The following OR9Q1 variants were observed in gnomAD, a reference collection of about 807,000 sequenced individuals.
OR9Q1 encodes the protein olfactory receptor family 9 subfamily Q member 1.
For missense variants in OR9Q1, 374 were observed against 378.8 expected, an observed-to-expected ratio of 0.99 and a Z score of 0.11; for synonymous variants, 153 against 148.6, an observed-to-expected ratio of 1.03 and a Z score of -0.22.
intron 2 of OR9Q1, among the ~76,000 whole-genome samples, chr11:58,057,216 C>T (rs769871571): frequency 6.6e-6 from 1 of 152,080 alleles, no homozygotes; most frequent in Non-Finnish European, 1.5e-5. Context: ...TGGTCTTGAA[C>T]TCCTGACGCT....
intron 1 of OR9Q1, among the ~76,000 whole-genome samples, chr11:58,048,446 T>C: frequency 6.7e-6 from 1 of 149,252 alleles, no homozygotes; most frequent in Non-Finnish European, 1.5e-5. Flanking sequence ...AGATCAGGAG[T>C]TTGAGACCAG....
At chr11:58,030,228 G>A (rs973158078) in intron 1 of OR9Q1, among the ~76,000 whole-genome samples, 1 of 152,132 alleles carries the variant, frequency 6.6e-6, no homozygotes, top group Non-Finnish European at 1.5e-5. Context: ...AATTCTTAAA[G>A]TCTCCCTGTG....
At position 58,143,544 on chromosome 11, in the gene OR9Q1, T is replaced by G. The variant is rs532275943; in HGVS notation, c.-14-35887T>G. On this transcript the variant is annotated intron_variant, in intron 2 of 2. Transcript: ENST00000335397. ...TGAAATCTGGGTCACTTTACTTCTT[T>G]TGCCCTCATATTCTTCTGTCAAAAA... Among the ~76,000 whole-genome samples the G allele has an allele frequency of 2.0e-5, 3 of 152,348 alleles. No homozygotes were observed. The East Asian group carries it at 5.8e-4, about 29-fold the overall frequency.
intron 2 of OR9Q1, among the ~76,000 whole-genome samples, chr11:58,152,446 G>C (rs892026847): frequency 3.3e-5 from 5 of 152,052 alleles, no homozygotes; most frequent in African/African-American, 1.2e-4. Context: ...AAATTTCATG[G>C]CCAATATTTA....
chr11:58,071,487 A>T (rs1221130846), intron 2 of OR9Q1, among the ~76,000 whole-genome samples: 1 of 152,136 alleles, frequency 6.6e-6, no homozygotes, highest in East Asian at 1.9e-4. Context: ...CATTAAAAAA[A>T]AAATAAAATA....
At chr11:58,123,088 A>T (rs902795882) in intron 2 of OR9Q1, among the ~76,000 whole-genome samples, 2 of 152,114 alleles carry the variant, frequency 1.3e-5, no homozygotes, top group Non-Finnish European at 2.9e-5. Context: ...CCCTTTAAGC[A>T]GATATTATGA....
At chr11:58,026,419 T>G (rs1330036425) in intron 1 of OR9Q1, among the ~76,000 whole-genome samples, 2 of 152,270 alleles carry the variant, frequency 1.3e-5, no homozygotes, top group East Asian at 3.9e-4. Context: ...TGGTGGCTCA[T>G]GCCTGTAATC....
intron 1 of OR9Q1, among the ~76,000 whole-genome samples, chr11:58,054,554 T>G (rs1853308717): frequency 6.6e-6 from 1 of 152,210 alleles, no homozygotes; most frequent in Non-Finnish European, 1.5e-5. Context: ...GTATCCCTCA[T>G]TACTCCAAGT....
At chr11:58,027,343 G>A (rs78043749) in intron 1 of OR9Q1, among the ~76,000 whole-genome samples, 1,619 of 152,226 alleles carry the variant, frequency 0.011, 31 homozygotes, top group African/African-American at 0.037. Context: ...GTTCTTTTTC[G>A]CTCATGTAAC....
chr11:58,174,352 C>T (rs1377695642), intron 2 of OR9Q1, among the ~76,000 whole-genome samples: 1 of 152,004 alleles, frequency 6.6e-6, no homozygotes, highest in Admixed American at 6.6e-5. Flanking sequence ...TCAAGTTAGC[C>T]GAGCCCAAGC....
At chr11:58,172,221 C>T (rs988910497) in intron 2 of OR9Q1, among the ~76,000 whole-genome samples, 5 of 152,178 alleles carry the variant, frequency 3.3e-5, no homozygotes, top group Non-Finnish European at 7.3e-5. Context: ...AAATGCATGG[C>T]ATATTCCCTG....
intron 2 of OR9Q1, among the ~76,000 whole-genome samples, chr11:58,151,259 A>C (rs1176177010): frequency 6.6e-6 from 1 of 152,094 alleles, no homozygotes; most frequent in Non-Finnish European, 1.5e-5. Flanking sequence ...GAGCTCTCAT[A>C]CTCATTTTCA....
At chr11:58,089,949 T>C (rs967969083) in intron 2 of OR9Q1, among the ~76,000 whole-genome samples, 1 of 152,032 alleles carries the variant, frequency 6.6e-6, no homozygotes, top group African/African-American at 2.4e-5. Context: ...TGGCTGTTTG[T>C]CTATTATTTG....
chr11:58,070,525 C>G (rs1468566512), intron 2 of OR9Q1, among the ~76,000 whole-genome samples: 1 of 152,196 alleles, frequency 6.6e-6, no homozygotes. Flanking sequence ...TTGGAACTCA[C>G]TGGTCTCATG....
At chr11:58,175,378 A>T (rs1276605844) in intron 2 of OR9Q1, among the ~76,000 whole-genome samples, 1 of 151,876 alleles carries the variant, frequency 6.6e-6, no homozygotes, top group Non-Finnish European at 1.5e-5. Flanking sequence ...TTTCCTAAAG[A>T]GTTTTGCCCA....
At chr11:58,176,479 A>G (rs562153427) in intron 2 of OR9Q1, among the ~76,000 whole-genome samples, 11 of 152,318 alleles carry the variant, frequency 7.2e-5, no homozygotes, top group African/African-American at 2.6e-4. Context: ...TTCTCCAAAG[A>G]GATTTGTGTT....
At chr11:58,125,991 A>G (rs1854086961) in intron 2 of OR9Q1, among the ~76,000 whole-genome samples, 1 of 152,188 alleles carries the variant, frequency 6.6e-6, no homozygotes, top group African/African-American at 2.4e-5. Flanking sequence ...GTCCCATATC[A>G]GGGGCTGAAA....
intron 2 of OR9Q1, among the ~76,000 whole-genome samples, chr11:58,078,771 C>T (rs1016110926): frequency 2.0e-5 from 3 of 152,194 alleles, no homozygotes; most frequent in Admixed American, 6.6e-5. Context: ...GGTATTTTCT[C>T]TTGAGCATCT....
intron 2 of OR9Q1, among the ~76,000 whole-genome samples, chr11:58,067,832 T>C (rs964734123): frequency 3.3e-5 from 5 of 152,206 alleles, no homozygotes; most frequent in African/African-American, 1.2e-4. Flanking sequence ...AGACCTGCAC[T>C]GACTTATAAG....
Sources: allele counts gnomAD v4.1 joint callset (sites outside exome capture counted in the v4.1 genomes callset), GRCh38; gene constraint gnomAD v4.1.1; transcripts MANE v1.5; gene names NCBI Gene and HGNC (gene_info 2026-07-23, HGNC 2026-07-21).